Variants in DOCK1 observed in about 807,000 individuals in gnomAD.
The protein encoded by DOCK1 is dedicator of cytokinesis 1.
A neutral mutation model predicts 262.7 loss-of-function variants in DOCK1; 138 were observed. The observed-to-expected ratio is 0.53, with a 90% CI of 0.46 to 0.61. The LOEUF (loss-of-function observed/expected upper bound fraction) is 0.61, where lower values mean the gene tolerates loss of function less well. DOCK1 is among the 20% of genes least tolerant of loss of function. The pLI, the probability that DOCK1 is intolerant of heterozygous loss-of-function variation, is 0.00. For missense variants in DOCK1, 1,908 were observed against 2,370.7 expected, an observed-to-expected ratio of 0.80 and a Z score of 4.05; for synonymous variants, 866 against 867.4, an observed-to-expected ratio of 1.00 and a Z score of 0.03.
In DOCK1 at chr10:127,362,148, C is replaced by T. The variant is rs778956657; in HGVS notation, c.3368C>T (p.Ala1123Val). ...ATTCCCGAGACGGAGCTGCGCAAAG[C>T]CACCATCCCCATCTTCTTTGATATG... ...TLIPETELRK[A>V]TIPIFFDMMQ... Residue 1123 changes from alanine (A) to valine (V), a missense_variant, in exon 33 of 52, where the codon GCC (alanine) becomes GTC (valine). By Grantham distance (64) the Ala-to-Val change is moderately conservative (BLOSUM62 0). This residue lies in a region of DOCK1 where 518 missense variants were observed against 575.1 expected (regional missense o/e 0.90). Coordinates refer to ENST00000623213, the MANE Select transcript of DOCK1 (RefSeq NM_001290223.2). 6.2e-7 allele frequency: 1 copy of T among 1,613,908 alleles called. No homozygotes were observed. The highest frequency in any genetic ancestry group is 1.1e-5 in the South Asian group (1 of 91,040).
intron 11 of DOCK1, among the ~76,000 whole-genome samples, 168 bp downstream of exon 11, chr10:127,008,972 A>C (rs993164239): frequency 6.6e-6 from 1 of 152,214 alleles, no homozygotes; most frequent in Non-Finnish European, 1.5e-5. Flanking sequence ...TTTTGTAGCC[A>C]TAAGAATCCT....
At chr10:126,959,516 A>C (rs1163787568) in intron 1 of DOCK1, among the ~76,000 whole-genome samples, 2 of 151,126 alleles carry the variant, frequency 1.3e-5, no homozygotes, top group Non-Finnish European at 3.0e-5. Flanking sequence ...AATTTGGACT[A>C]GATAAAAAAA....
At chr10:127,399,737 T>A (rs2067112440) in intron 38 of DOCK1, among the ~76,000 whole-genome samples, 2 of 150,724 alleles carry the variant, frequency 1.3e-5, no homozygotes, top group African/African-American at 4.8e-5. Context: ...GCAGAAAATT[T>A]AAAAAAAAAT....
At chr10:127,310,951 C>T (rs1020471366) in intron 29 of DOCK1, among the ~76,000 whole-genome samples, 3 of 152,256 alleles carry the variant, frequency 2.0e-5, no homozygotes, top group East Asian at 1.9e-4. Flanking sequence ...AGGCTTGTAT[C>T]GTTCTTAAGT....
At chr10:127,132,415 C>G (rs2050380043) in intron 27 of DOCK1, among the ~76,000 whole-genome samples, 1 of 152,132 alleles carries the variant, frequency 6.6e-6, no homozygotes. Context: ...AACCTTGCCA[C>G]AGAACAAAAA....
chr10:127,222,904 T>TG (rs2058495604), intron 27 of DOCK1, among the ~76,000 whole-genome samples: 1 of 152,190 alleles, frequency 6.6e-6, no homozygotes, highest in Non-Finnish European at 1.5e-5. Context: ...CTCAAACACC[T>TG]GGGCTCAAGC....
At chr10:127,022,018 C>T (rs781496741) in intron 13 of DOCK1, among the ~76,000 whole-genome samples, 18 of 152,200 alleles carry the variant, frequency 1.2e-4, no homozygotes, top group Non-Finnish European at 2.5e-4. Context: ...TGGCTGGGAA[C>T]GAGGCTTCCT....
At chr10:127,261,050 CAT>C (rs1491301376) in intron 29 of DOCK1, among the ~76,000 whole-genome samples, 13 of 89,972 alleles carry the variant, frequency 1.4e-4, no homozygotes, top group East Asian at 3.9e-4. Flanking sequence ...TACCCGTGCT[CAT>C]GTGTGTGTGC....
At chr10:127,430,638 A>T (rs1483350610) in intron 47 of DOCK1, among the ~76,000 whole-genome samples, 2 of 139,840 alleles carry the variant, frequency 1.4e-5, no homozygotes, top group African/African-American at 5.4e-5. Context: ...GCTCTCTCCA[A>T]AGGAAAATGT....
Position 127,343,688 on chromosome 10 carries a change from C to G in DOCK1, c.3166C>G (p.Gln1056Glu), listed in dbSNP as rs1306029906. ...YFHLAVAFLT[Q>E]ESLQLENFSS... ...TCACCTGGCTGTTGCTTTCCTTACT[C>G]AAGAGTCCCTGCAACTGGAGAATTT... Residue 1056 changes from glutamine (Q) to glutamate (E), a missense_variant, in exon 31 of 52, where the codon CAA (glutamine) becomes GAA (glutamate). Gln to Glu is a conservative substitution (Grantham distance 29). Around this residue, in one of 9 missense-constraint regions of DOCK1, gnomAD observed 518 missense variants for 575.1 expected, o/e 0.90. Coordinates refer to ENST00000623213, the MANE Select transcript of DOCK1 (RefSeq NM_001290223.2). 1 of 1,611,698 alleles carries G rather than the reference C, an allele frequency of 6.2e-7. No individual in the cohort carries two copies. The highest frequency in any genetic ancestry group is 1.3e-5 in the African/African-American group (1 of 75,036).
intron 38 of DOCK1, among the ~76,000 whole-genome samples, chr10:127,395,399 G>T (rs2066761414): frequency 6.6e-6 from 1 of 152,234 alleles, no homozygotes; most frequent in African/African-American, 2.4e-5. Context: ...ATTCATGAGG[G>T]CTCCACCGTC....
intron 27 of DOCK1, among the ~76,000 whole-genome samples, chr10:127,178,173 G>A (rs11592586): frequency 0.21 from 32,272 of 152,168 alleles, 4,213 homozygotes; most frequent in South Asian, 0.29. Flanking sequence ...TATGTCTCAG[G>A]CCAGCCTGGT....
intron 13 of DOCK1, among the ~76,000 whole-genome samples, chr10:127,020,398 A>G (rs937084166): frequency 6.6e-6 from 1 of 152,030 alleles, no homozygotes; most frequent in Non-Finnish European, 1.5e-5. Flanking sequence ...TAGACTTAAA[A>G]ACTAAGTCTA....
chr10:127,023,391 C>T (rs764169932), intron 14 of DOCK1, 67 bp downstream of exon 14: 3 of 1,594,274 alleles, frequency 1.9e-6, no homozygotes, highest in Non-Finnish European at 2.6e-6. Flanking sequence ...CACCTTGGCT[C>T]TGCTACAGCA....
In DOCK1 at chr10:127,127,781, A is replaced by T. The variant is rs758659317; in HGVS notation, c.2847+17A>T. On this transcript the variant is annotated intron_variant, in intron 27 of 51. Coordinates refer to ENST00000623213, the MANE Select transcript of DOCK1 (RefSeq NM_001290223.2). Reference sequence around the variant, plus strand: ...GAACTCATTGTAAGTGCTTGGTGACATATGTTTGGATATTTAACTGGGGCT... The same window carrying T: ...GAACTCATTGTAAGTGCTTGGTGACTTATGTTTGGATATTTAACTGGGGCT... The T allele has an allele frequency of 1.6e-5, 25 of 1,598,790 alleles. No homozygotes were observed. Among genetic ancestry groups the T allele is most frequent in the Non-Finnish European group, 2.1e-5 (24 of 1,167,676 alleles).
rs562085005 is a variant in DOCK1 at position 127,341,811 on chromosome 10, T to C, written c.3124-1835T>C. Among the ~76,000 whole-genome samples, 10 of 152,212 alleles carry C rather than the reference T, an allele frequency of 6.6e-5. No homozygotes were observed. In the South Asian group the frequency reaches 1.0e-3, roughly 16 times the overall value. On this transcript the variant is annotated intron_variant, in intron 30 of 51. Transcript: ENST00000623213. ...CGCCCCTTGGCAGGTGTGACACACA[T>C]ATTTATTGTTGTTTGAGGAGGGTTT...
chr10:127,172,953 T>G (rs2054719962), intron 27 of DOCK1, among the ~76,000 whole-genome samples: 1 of 152,184 alleles, frequency 6.6e-6, no homozygotes, highest in African/African-American at 2.4e-5. Context: ...GTTTCAATTG[T>G]CATTGAGTTT....
chr10:127,109,983 G>A (rs932349008), intron 24 of DOCK1, among the ~76,000 whole-genome samples: 2 of 152,038 alleles, frequency 1.3e-5, no homozygotes, highest in African/African-American at 4.8e-5. Flanking sequence ...TGGTGTGACT[G>A]TTCTCATTTC....
rs2070975807 is a variant in DOCK1 at position 127,451,590 on chromosome 10, T to C, written c.*163T>C. The C allele has an allele frequency of 4.1e-6, 6 of 1,465,936 alleles. No homozygotes were observed. The highest frequency in any genetic ancestry group is 5.4e-6 in the Non-Finnish European group (6 of 1,105,380). The allele number at this position is 1,465,936 out of a possible 1,614,324, so 90.8% of individuals were successfully genotyped here. A position where few individuals can be genotyped will look rare whatever the true frequency, so the allele number is the denominator to read the frequency against. On this transcript the variant is annotated 3_prime_UTR_variant, in exon 52 of 52. Transcript: ENST00000623213. ...AGTTCAGTTCTCACCATGGAGTGAGTGGCCTTTAGCGTCATGGAGCAAGGT... is the reference window on the plus strand; with the variant it reads ...AGTTCAGTTCTCACCATGGAGTGAGCGGCCTTTAGCGTCATGGAGCAAGGT...
Sources: allele counts gnomAD v4.1 joint callset (sites outside exome capture counted in the v4.1 genomes callset), GRCh38; gene constraint gnomAD v4.1.1; regional missense constraint gnomAD v4.1.1; transcripts MANE v1.5; gene names NCBI Gene and HGNC (gene_info 2026-07-23, HGNC 2026-07-21).